The following COL24A1 variants were observed in gnomAD, a reference collection of about 807,000 sequenced individuals.
COL24A1 encodes collagen type XXIV alpha 1 chain.
A neutral mutation model predicts 253.9 loss-of-function variants in COL24A1; 224 were observed. The ratio of observed to expected loss-of-function variants is 0.88; its 90% CI spans 0.79 to 0.99. COL24A1 has a LOEUF of 0.99. COL24A1 is among the 50% of genes least tolerant of loss of function. COL24A1 has a pLI of 0.00. For missense variants in COL24A1, 2,131 were observed against 2,068.5 expected (o/e 1.03, Z -0.59); for synonymous variants, 685 against 673.7 (o/e 1.02, Z -0.26).
rs974281200 is a variant in COL24A1 at position 86,097,050 on chromosome 1, C to T, written c.1600-4730G>A. Among the ~76,000 whole-genome samples, 12 of 152,236 alleles carry T rather than the reference C, an allele frequency of 7.9e-5. No individual in the cohort carries two copies. The East Asian group carries it at 2.1e-3, about 27-fold the overall frequency. On this transcript the variant is annotated intron_variant, in intron 5 of 59. Transcript: ENST00000370571. ...AGGCTATCACTGACGCTCTGTTTTT[C>T]CTGCATTATTTTAACTTTTACTTCT... is the stretch of plus-strand genomic sequence containing the variant.
chr1:86,124,341 T>C (rs1647896295), intron 3 of COL24A1, among the ~76,000 whole-genome samples: 1 of 151,558 alleles, frequency 6.6e-6, no homozygotes, highest in Non-Finnish European at 1.5e-5. Context: ...CAACGATTCA[T>C]TACACAATAA....
At chr1:86,056,078 ACTG>A (rs1337302781) in intron 10 of COL24A1, among the ~76,000 whole-genome samples, 3 of 150,758 alleles carry the variant, frequency 2.0e-5, no homozygotes, top group Non-Finnish European at 4.4e-5. Context: ...AGATCACACC[ACTG>A]TACTCCAGCC....
At position 85,868,760 on chromosome 1, in the gene COL24A1, T is replaced by A. The variant is rs777049985; in HGVS notation, c.3192+22A>T. On this transcript the variant is annotated intron_variant, in intron 36 of 59. Transcript: ENST00000370571. ...TTTTACAAAACATCTATTTTATATA[T>A]AATCTTAAAAGTATAATTTACCTTT... 2.0e-6 allele frequency: 3 copies of A among 1,480,362 alleles called. No homozygotes were observed. In the East Asian group the frequency reaches 7.1e-5, roughly 35 times the overall value. 91.7% of individuals were successfully genotyped at this position (1,480,362 alleles called of 1,614,324 possible).
intron 37 of COL24A1, among the ~76,000 whole-genome samples, chr1:85,856,999 G>T (rs1678505977): frequency 6.6e-6 from 1 of 152,046 alleles, no homozygotes; most frequent in Admixed American, 6.6e-5. Flanking sequence ...AAGCATGGAG[G>T]TTTTGTTTGT....
In COL24A1 at chr1:85,874,697, A is replaced by G. The variant is rs1010175052; in HGVS notation, c.3090T>C (p.Asp1030=). ...CTCCAACACTGCCAGCAGTTCCAAC[A>G]TCTCCCTGAAGAAACAAAGGGAAAG... ...GLQGEPGAKG[D]VGTAGSVGGT... The change falls in exon 35 of 60, where the codon GAT becomes GAC. Residue 1030 remains aspartate, a synonymous_variant. Coordinates refer to ENST00000370571, the MANE Select transcript of COL24A1 (RefSeq NM_152890.7). 1 of 1,612,198 alleles carries G rather than the reference A, an allele frequency of 6.2e-7. No individual in the cohort carries two copies. Among genetic ancestry groups the G allele is most frequent in the Non-Finnish European group, 8.5e-7 (1 of 1,179,914 alleles).
chr1:85,766,312 T>G (rs1174247092), intron 53 of COL24A1, among the ~76,000 whole-genome samples: 2 of 136,154 alleles, frequency 1.5e-5, no homozygotes, highest in African/African-American at 5.7e-5. Context: ...GAGGTTGCAG[T>G]GAGCTGAGAT....
At position 86,070,474 on chromosome 1, in the gene COL24A1, T is replaced by C. The variant is rs72716147; in HGVS notation, c.1708-6715A>G. Among the ~76,000 whole-genome samples the C allele has an allele frequency of 1.2e-3, 182 of 152,214 alleles. 2 individuals are homozygous for C. Among genetic ancestry groups the C allele is most frequent in the Non-Finnish European group, 2.3e-3 (155 of 67,988 alleles). On this transcript the variant is annotated intron_variant, in intron 7 of 59. Transcript: ENST00000370571. Reference sequence around the variant, plus strand: ...CTAGAGAAAGATATCAAGATTCAAGTACAAGAAGGTTATAGATCACCAAGC... The same window carrying C: ...CTAGAGAAAGATATCAAGATTCAAGCACAAGAAGGTTATAGATCACCAAGC...
intron 42 of COL24A1, among the ~76,000 whole-genome samples, chr1:85,839,075 C>A (rs1176572735): frequency 6.6e-6 from 1 of 151,804 alleles, no homozygotes; most frequent in Non-Finnish European, 1.5e-5. Context: ...TGGTATGTGA[C>A]TATAGTCCCA....
intron 55 of COL24A1, among the ~76,000 whole-genome samples, chr1:85,756,525 C>A (rs766587078): frequency 3.2e-4 from 48 of 152,094 alleles, no homozygotes; most frequent in Non-Finnish European, 6.9e-4. Flanking sequence ...GCTTCATAAC[C>A]ATTAGGATGG....
At chr1:86,074,770 T>A (rs1702129097) in intron 7 of COL24A1, among the ~76,000 whole-genome samples, 1 of 151,264 alleles carries the variant, frequency 6.6e-6, no homozygotes, top group Non-Finnish European at 1.5e-5. Flanking sequence ...TCAGACTACA[T>A]GGAAACTGAA....
At chr1:85,808,736 A>G (rs181629248) in intron 47 of COL24A1, among the ~76,000 whole-genome samples, 65 of 152,374 alleles carry the variant, frequency 4.3e-4, no homozygotes, top group Middle Eastern at 3.4e-3. Flanking sequence ...TAATCACCCA[A>G]TGGGTTCTCC....
At chr1:86,037,287 G>T (rs1169936038) in intron 12 of COL24A1, among the ~76,000 whole-genome samples, 10 of 152,116 alleles carry the variant, frequency 6.6e-5, no homozygotes. Context: ...TAGCACCTAT[G>T]ACTTGCTTCA....
intron 20 of COL24A1, among the ~76,000 whole-genome samples, chr1:85,972,788 A>G (rs1409866267): frequency 6.6e-6 from 1 of 152,180 alleles, no homozygotes; most frequent in East Asian, 1.9e-4. Flanking sequence ...CAACTGAAGC[A>G]CGTTTCAAAC....
At chr1:85,941,566 A>C (rs1200824573) in intron 24 of COL24A1, among the ~76,000 whole-genome samples, 1 of 152,216 alleles carries the variant, frequency 6.6e-6, no homozygotes, top group Non-Finnish European at 1.5e-5. Context: ...TATGAAAAGC[A>C]TTCAGTTATT....
intron 47 of COL24A1, among the ~76,000 whole-genome samples, chr1:85,791,428 A>G (rs74097092): frequency 0.024 from 3,654 of 152,290 alleles, 137 homozygotes; most frequent in African/African-American, 0.084. Context: ...TCAAAAAAAG[A>G]ATTATTGGAT....
intron 19 of COL24A1, among the ~76,000 whole-genome samples, chr1:86,010,557 A>G (rs925538591): frequency 3.9e-5 from 6 of 152,166 alleles, no homozygotes; most frequent in Non-Finnish European, 8.8e-5. Flanking sequence ...ATATCTAACA[A>G]TATCTTCTTT....
intron 10 of COL24A1, among the ~76,000 whole-genome samples, chr1:86,056,495 T>C (rs2101725723): frequency 6.6e-6 from 1 of 152,334 alleles, no homozygotes; most frequent in South Asian, 2.1e-4. Context: ...TGTTTAATAC[T>C]TTTTTAAAAT....
At chr1:85,775,645 A>G in intron 53 of COL24A1, 29 bp downstream of exon 53, 2 of 1,592,058 alleles carry the variant, frequency 1.3e-6, no homozygotes, top group South Asian at 2.3e-5. Context: ...TGTCAGGGTT[A>G]CTATAATCAC....
chr1:85,833,016 G>C (rs1284928460), intron 43 of COL24A1, among the ~76,000 whole-genome samples: 1 of 151,898 alleles, frequency 6.6e-6, no homozygotes, highest in Non-Finnish European at 1.5e-5. Flanking sequence ...GTTTTCAAAG[G>C]GAATGCTTCC....
Sources: gnomAD v4.1 joint callset for allele counts (sites outside exome capture counted in the v4.1 genomes callset) on GRCh38, gnomAD v4.1.1 for gene constraint, MANE v1.5 for transcripts, NCBI Gene and HGNC (gene_info 2026-07-23, HGNC 2026-07-21) for gene names.